The following MYH14 variants were observed in gnomAD, a reference collection of about 807,000 sequenced individuals.
MYH14 encodes the protein myosin heavy chain 14, also known as myosin-14.
Under a neutral mutation model 255.5 loss-of-function variants are expected in MYH14, and 123 were observed. The observed-to-expected ratio is 0.48, with a 90% confidence interval of 0.42 to 0.56. The LOEUF (loss-of-function observed/expected upper bound fraction) is 0.56. Ranked by LOEUF, MYH14 falls within the 20% of genes least tolerant of loss-of-function variation. MYH14 has a pLI of 0.00. For missense variants in MYH14, 2,423 were observed against 2,802.3 expected, an observed-to-expected ratio of 0.86 and a Z score of 3.06; for synonymous variants, 1,095 against 1,161.2, an observed-to-expected ratio of 0.94 and a Z score of 1.16.
chr19:50,279,987 C>A, intron 30 of MYH14, 50 bp from the exon 31 acceptor site: 2 of 1,386,628 alleles, frequency 1.4e-6, no homozygotes, highest in Non-Finnish European at 2.0e-6. Flanking sequence ...GATGGGGTCA[C>A]TGGGTGGAAG....
Position 50,276,949 on chromosome 19 carries a change from G to A in MYH14, c.3825+48G>A. The A allele has an allele frequency of 3.4e-6, 5 of 1,461,704 alleles. No homozygotes were observed. The highest frequency in any genetic ancestry group is 3.7e-6 in the Non-Finnish European group (4 of 1,070,070). The allele number at this position is 1,461,704 out of a possible 1,614,324, so 90.5% of individuals were successfully genotyped here. The stretch of plus-strand genomic sequence containing the variant: ...GGCAGGGGGGCCACGGGGAGGGCAG[G>A]GCAGGACGCGGGGTTGGAGGAGGTA... On this transcript the variant is annotated intron_variant, in intron 29 of 42. Coordinates refer to ENST00000642316, the MANE Select transcript of MYH14 (RefSeq NM_001145809.2). The surrounding 1 kb of genome is among the most constrained non-coding windows in gnomAD (Gnocchi z 4.3).
chr19:50,231,980 C>T lies in MYH14; in HGVS notation c.1024C>T (p.Pro342Ser), dbSNP rs34498817. 6.2e-7 allele frequency: 1 copy of T among 1,613,936 alleles called. No individual in the cohort carries two copies. The highest frequency in any genetic ancestry group is 1.3e-5 in the African/African-American group (1 of 75,056). ...CSHYRFLTNG[P>S]SSSPGQEREL... is the part of the protein sequence containing the mutation. ...CCACTACCGGTTCCTGACCAACGGG[C>T]CGTCATCCTCTCCCGGCCAGGAGCG... Residue 342 changes from proline (P) to serine (S), a missense_variant, in exon 10 of 43, where the codon CCG (proline) becomes TCG (serine). Around this residue, in one of 3 missense-constraint regions of MYH14, gnomAD observed 672 missense variants for 881.8 expected, o/e 0.76. Transcript: ENST00000642316.
At chr19:50,236,141 G>A (rs2033646311) in intron 10 of MYH14, among the ~76,000 whole-genome samples, 1 of 151,712 alleles carries the variant, frequency 6.6e-6, no homozygotes, top group East Asian at 1.9e-4. Flanking sequence ...AGACCAGCCT[G>A]GGCAACATGA....
At chr19:50,254,820 G>A (rs557291673) in intron 16 of MYH14, among the ~76,000 whole-genome samples, 1 of 152,304 alleles carries the variant, frequency 6.6e-6, no homozygotes, top group East Asian at 1.9e-4. Flanking sequence ...GGGAAAAACG[G>A]AAATGAGATT....
rs1216791654 is a variant in MYH14 at position 50,248,998 on chromosome 19, G to A, written c.1341G>A (p.Ala447=). The A allele has an allele frequency of 3.1e-6, 5 of 1,613,396 alleles. No individual in the cohort carries two copies. The African/African-American group carries it at 4.0e-5, about 13-fold the overall frequency. The part of the protein sequence containing the change: ...KAQTKEQADF[A]LEALAKATYE... ...GCCCTGTCCCACAGGCTGACTTCGCGCTGGAGGCCCTGGCCAAGGCCACCT... is the reference window on the plus strand; with the variant it reads ...GCCCTGTCCCACAGGCTGACTTCGCACTGGAGGCCCTGGCCAAGGCCACCT... Residue 447 remains alanine (A), a synonymous_variant, in exon 13 of 43, where the codon GCG becomes GCA. Coordinates refer to ENST00000642316, the MANE Select transcript of MYH14 (RefSeq NM_001145809.2).
Position 50,250,423 on chromosome 19 carries a change from A to G in MYH14, c.1657-92A>G. 3.0e-6 allele frequency: 4 copies of G among 1,349,792 alleles called. No individual in the cohort carries two copies. The highest frequency in any genetic ancestry group is 4.1e-6 in the Non-Finnish European group (4 of 966,756). The allele number at this position is 1,349,792 out of a possible 1,614,324, so 83.6% of individuals were successfully genotyped here. The stretch of plus-strand genomic sequence containing the variant: ...GCATCTCACGTTTGTTTTTATGTCC[A>G]AGTGTGACTTATAAGAGCTAAAAAT... On this transcript the variant is annotated intron_variant, in intron 14 of 42. Coordinates refer to ENST00000642316, the MANE Select transcript of MYH14 (RefSeq NM_001145809.2). This position sits in a 1 kb window ranked among gnomAD's most constrained non-coding sequence, Gnocchi z 5.4.
chr19:50,254,186 C>T (rs2034505420), intron 16 of MYH14, among the ~76,000 whole-genome samples: 1 of 145,714 alleles, frequency 6.9e-6, no homozygotes, highest in Admixed American at 7.0e-5. Context: ...CATTGCACTC[C>T]AGCCTGGGCA....
At position 50,293,159 on chromosome 19, in the gene MYH14, G is replaced by A. The variant is rs2036142883; in HGVS notation, c.5257-74G>A. ...AAGCCAAGAGCCTTGAGGTGTGAGG[G>A]ACAGAGAAAGGGGTGAGACCCGTGC... On this transcript the variant is annotated intron_variant, in intron 37 of 42. Transcript: ENST00000642316. This position sits in a 1 kb window ranked among gnomAD's most constrained non-coding sequence, Gnocchi z 4.1. 2 of 1,072,796 alleles carry A rather than the reference G, an allele frequency of 1.9e-6. No homozygotes were observed. The highest frequency in any genetic ancestry group is 2.0e-5 in the Admixed American group (1 of 50,458). 66.5% of individuals were successfully genotyped at this position (1,072,796 alleles called of 1,614,324 possible). A position where few individuals can be genotyped will look rare whatever the true frequency, so the allele number is the denominator to read the frequency against.
At chr19:50,222,653 T>C (rs1215102695) in intron 3 of MYH14, among the ~76,000 whole-genome samples, 2 of 151,914 alleles carry the variant, frequency 1.3e-5, no homozygotes, top group Admixed American at 6.6e-5. Context: ...TGGCGCTCAG[T>C]AGGTGGTCAG....
rs1345506119 is a variant in MYH14 at position 50,232,010 on chromosome 19, C to A, written c.1054C>A (p.Leu352Ile). ...PSSSPGQERE[L>I]FQETLESLRV... is the part of the protein sequence containing the mutation. ...ATCCTCTCCCGGCCAGGAGCGGGAA[C>A]TCTTCCAGGAGACGCTGGAGTCGCT... The change falls in exon 10 of 43, where the codon CTC (leucine) becomes ATC (isoleucine). Residue 352 changes from leucine to isoleucine, a missense_variant. Coordinates refer to ENST00000642316, the MANE Select transcript of MYH14 (RefSeq NM_001145809.2). 9 of 1,613,708 alleles carry A rather than the reference C, an allele frequency of 5.6e-6. No individual in the cohort carries two copies.
At chr19:50,274,106 A>G (rs1321896267) in intron 27 of MYH14, among the ~76,000 whole-genome samples, 3 of 152,184 alleles carry the variant, frequency 2.0e-5, no homozygotes, top group Non-Finnish European at 4.4e-5. Context: ...AGTGCTCCTC[A>G]GACACTTCGC....
At chr19:50,281,898 A>G (rs955851013) in intron 33 of MYH14, 56 bp downstream of exon 33, 3 of 1,568,036 alleles carry the variant, frequency 1.9e-6, no homozygotes, top group African/African-American at 1.3e-5. Flanking sequence ...TACGCTTCCC[A>G]TGGTCGTTGT....
chr19:50,234,284 C>T (rs1600903605), intron 10 of MYH14, among the ~76,000 whole-genome samples: 1 of 152,162 alleles, frequency 6.6e-6, no homozygotes, highest in Non-Finnish European at 1.5e-5. Flanking sequence ...GTAGGTGGAC[C>T]TCCGCCTTTT....
intron 8 of MYH14, among the ~76,000 whole-genome samples, chr19:50,228,428 G>A (rs7246090): frequency 0.27 from 40,773 of 151,980 alleles, 6,182 homozygotes; most frequent in East Asian, 0.33. Context: ...ATAAGCTCAC[G>A]CTCTTCCATA....
At chr19:50,256,528 C>T (rs1220299410) in intron 17 of MYH14, among the ~76,000 whole-genome samples, 1 of 152,188 alleles carries the variant, frequency 6.6e-6, no homozygotes, top group Non-Finnish European at 1.5e-5. Context: ...TGTGCCACCA[C>T]ACCTGGCTTA....
At chr19:50,268,834 A>G (rs2035191837) in intron 24 of MYH14, among the ~76,000 whole-genome samples, 1 of 152,224 alleles carries the variant, frequency 6.6e-6, no homozygotes, top group Non-Finnish European at 1.5e-5. Flanking sequence ...CCAGGCATTC[A>G]GGCAATGTTC....
rs2036680617 is a variant in MYH14 at position 50,307,130 on chromosome 19, G to A, written c.5760G>A (p.Arg1920=). ...TGGTGCTCCAGGTGGAGGAGGAGCG[G>A]AGGGTGGCTGACCAGCTCCGGGACC... ...KEVVLQVEEE[R]RVADQLRDQL... is the part of the protein sequence containing the mutation. The change falls in exon 41 of 43, where the codon CGG becomes CGA. Residue 1920 remains arginine (R), a synonymous_variant. Transcript: ENST00000642316. The A allele has an allele frequency of 6.5e-7, 1 of 1,549,632 alleles. No homozygotes were observed. The highest frequency in any genetic ancestry group is 2.0e-4 in the Middle Eastern group (1 of 4,948).
At chr19:50,241,212 G>A (rs1337438277) in intron 10 of MYH14, among the ~76,000 whole-genome samples, 2 of 152,080 alleles carry the variant, frequency 1.3e-5, no homozygotes, top group Non-Finnish European at 2.9e-5. Flanking sequence ...CCAGGCGGGC[G>A]GATCACGAGG....
chr19:50,249,834 G>T lies in MYH14; in HGVS notation c.1656+11G>T. On this transcript the variant is annotated intron_variant, in intron 14 of 42. Transcript: ENST00000642316. ...CTCATCGAGCGGCCGGTGAGCCCCA[G>T]GCCCCTCCCAGCCCACACTCACGGT... 1 of 1,613,896 alleles carries T rather than the reference G, an allele frequency of 6.2e-7. No individual in the cohort carries two copies. Among genetic ancestry groups the T allele is most frequent in the Non-Finnish European group, 8.5e-7 (1 of 1,179,906 alleles).
Sources: gnomAD v4.1 joint callset for allele counts (sites outside exome capture counted in the v4.1 genomes callset) on GRCh38, gnomAD v4.1.1 for gene constraint, gnomAD v4.1.1 regional missense constraint, Gnocchi (gnomAD v3.1) non-coding constraint, MANE v1.5 for transcripts, NCBI Gene and HGNC (gene_info 2026-07-23, HGNC 2026-07-21) for gene names.